Variants in NCKAP5 observed in about 807,000 individuals in gnomAD.
NCKAP5 encodes the protein NCK associated protein 5, also known as nck-associated protein 5.
In NCKAP5, 92 loss-of-function variants were observed where a neutral mutation model predicts 167.0. That is an observed-to-expected ratio of 0.55 (90% CI 0.47 to 0.66). The LOEUF is 0.66. Ranked by LOEUF, NCKAP5 falls within the 30% of genes least tolerant of loss-of-function variation. NCKAP5 has a pLI of 0.00. For missense variants in NCKAP5, 2,378 were observed against 2,315.0 expected, an observed-to-expected ratio of 1.03 and a Z score of -0.56; for synonymous variants, 891 against 877.4, an observed-to-expected ratio of 1.02 and a Z score of -0.27.
intron 19 of NCKAP5, among the ~76,000 whole-genome samples, chr2:132,716,713 C>A (rs1689405871): frequency 6.6e-6 from 1 of 152,132 alleles, no homozygotes; most frequent in Non-Finnish European, 1.5e-5. Context: ...CTGTAGCCTG[C>A]AGTCCAATTT....
chr2:132,946,876 C>T (rs1697787746), intron 8 of NCKAP5, among the ~76,000 whole-genome samples: 1 of 152,184 alleles, frequency 6.6e-6, no homozygotes, highest in African/African-American at 2.4e-5. Context: ...CCAGCCTGAG[C>T]AACAGAGCTA....
chr2:133,149,913 C>T (rs564565758), intron 5 of NCKAP5, among the ~76,000 whole-genome samples: 1 of 152,242 alleles, frequency 6.6e-6, no homozygotes, highest in East Asian at 1.9e-4. Context: ...TGAGCATTTG[C>T]TGTCTCCACT....
chr2:132,798,473 A>G (rs1047956448), intron 11 of NCKAP5, among the ~76,000 whole-genome samples: 1 of 152,248 alleles, frequency 6.6e-6, no homozygotes, highest in Non-Finnish European at 1.5e-5. Context: ...GGGAAATGAC[A>G]TTCAACAAAA....
chr2:132,747,577 C>A (rs939956294), intron 16 of NCKAP5, among the ~76,000 whole-genome samples: 8 of 152,150 alleles, frequency 5.3e-5, no homozygotes, highest in African/African-American at 1.7e-4. Flanking sequence ...TCCCTGGTTT[C>A]CATAGCTGTG....
intron 8 of NCKAP5, among the ~76,000 whole-genome samples, chr2:132,953,085 A>G (rs1004274021): frequency 1.6e-4 from 24 of 152,236 alleles, no homozygotes; most frequent in Non-Finnish European, 3.4e-4. Context: ...TGTACTACCT[A>G]TCTATCCAAA....
chr2:133,651,679 A>G, the NCKAP5 span, among the ~76,000 whole-genome samples: 1 of 152,338 alleles, frequency 6.6e-6, no homozygotes, highest in Admixed American at 6.5e-5. Context: ...ATCCAAAAGA[A>G]ATCAGGATCT....
At chr2:133,212,404 GA>G (rs1342561987) in intron 5 of NCKAP5, among the ~76,000 whole-genome samples, 1 of 152,256 alleles carries the variant, frequency 6.6e-6, no homozygotes, top group Admixed American at 6.5e-5. Context: ...GTTTTTGGGA[GA>G]CAGGGTCTTT....
At chr2:133,053,394 T>C (rs1380954594) in intron 6 of NCKAP5, among the ~76,000 whole-genome samples, 2 of 152,230 alleles carry the variant, frequency 1.3e-5, no homozygotes, top group African/African-American at 4.8e-5. Flanking sequence ...TGGTAAATGG[T>C]AACTAGCATT....
At chr2:133,090,718 A>C (rs930958869) in intron 6 of NCKAP5, among the ~76,000 whole-genome samples, 3 of 151,686 alleles carry the variant, frequency 2.0e-5, no homozygotes, top group Non-Finnish European at 1.5e-5. Flanking sequence ...AGAAAGGTTA[A>C]TATCATGCTT....
the NCKAP5 span, among the ~76,000 whole-genome samples, chr2:133,619,121 C>G: frequency 0.61 from 73,470 of 120,158 alleles, 23,135 homozygotes; most frequent in Middle Eastern, 0.77. Context: ...CACATGAACA[C>G]AGGAAGGGGA....
chr2:133,647,376 A>AAAGGAAGGAAGGAAGGAAGGAAGG, the NCKAP5 span, among the ~76,000 whole-genome samples: 206 of 82,518 alleles, frequency 2.5e-3, 2 homozygotes, highest in Non-Finnish European at 3.4e-3. Flanking sequence ...AGGAAGAAAG[A>AAAGGAAGGAAGGAAGGAAGGAAGG]AAGGAAGGAA....
chr2:133,308,741 G>T (rs1178017574), intron 3 of NCKAP5, among the ~76,000 whole-genome samples: 2 of 108,216 alleles, frequency 1.8e-5, no homozygotes, highest in Non-Finnish European at 3.4e-5. Context: ...TTGCTCTGTC[G>T]CCCAGGCCGG....
chr2:133,384,985 T>C (rs1686828341), intron 3 of NCKAP5, among the ~76,000 whole-genome samples: 1 of 152,322 alleles, frequency 6.6e-6, no homozygotes, highest in African/African-American at 2.4e-5. Context: ...AATCACGTCA[T>C]CTGCAAACAG....
intron 5 of NCKAP5, among the ~76,000 whole-genome samples, chr2:133,200,047 C>CT (rs565351512): frequency 6.1e-5 from 6 of 98,368 alleles, no homozygotes; most frequent in Admixed American, 1.1e-4. Flanking sequence ...TCCCAGTTGG[C>CT]TTTTTTTTTC....
intron 8 of NCKAP5, among the ~76,000 whole-genome samples, chr2:132,924,389 A>T (rs1695688801): frequency 6.6e-6 from 1 of 152,180 alleles, no homozygotes; most frequent in Admixed American, 6.5e-5. Flanking sequence ...ACTTTAAAAG[A>T]CTGAATTTTT....
the NCKAP5 span, among the ~76,000 whole-genome samples, chr2:133,599,896 T>C: frequency 6.6e-6 from 1 of 152,214 alleles, no homozygotes; most frequent in Non-Finnish European, 1.5e-5. Flanking sequence ...ATCCAATCTG[T>C]TTATCAATGC....
Position 132,784,180 on chromosome 2 carries a change from C to T in NCKAP5, c.2631G>A (p.Arg877=), listed in dbSNP as rs917118175. Reference sequence around the variant, plus strand: ...GGACCCAGTCCCTCCTGCTGGGCATCCTGGAGCTGTGCGGAAGTTGGGCGG... The same window carrying T: ...GGACCCAGTCCCTCCTGCTGGGCATTCTGGAGCTGTGCGGAAGTTGGGCGG... ...KHSAQLPHSS[R]MPSRRDWVQC... is the part of the protein sequence containing the mutation. The change falls in exon 14 of 20, where the codon AGG becomes AGA. Residue 877 remains arginine (R), a synonymous_variant. Transcript: ENST00000409261. 3 of 1,550,446 alleles carry T rather than the reference C, an allele frequency of 1.9e-6. No homozygotes were observed. The African/African-American group carries it at 4.1e-5, about 21-fold the overall frequency.
chr2:132,784,743 T>G lies in NCKAP5; in HGVS notation c.2068A>C (p.Thr690Pro). ...ATGGAAATCTCATTTCTGGTAACAG[T>G]GACAACCCCAGTCTGGTGAGAGCTG... is the stretch of plus-strand genomic sequence containing the variant. ...EFSSHQTGVV[T>P]VTRNEISINS... The change falls in exon 14 of 20, where the codon ACT (threonine) becomes CCT (proline). Residue 690 changes from threonine to proline, a missense_variant. Physicochemically the swap from Thr to Pro is conservative, Grantham distance 38 (BLOSUM62 -1). This residue lies in a region of NCKAP5 where 1,049 missense variants were observed against 1,023.4 expected (regional missense o/e 1.02). Transcript: ENST00000409261. The G allele has an allele frequency of 1.2e-6, 2 of 1,613,882 alleles. No homozygotes were observed. The highest frequency in any genetic ancestry group is 1.7e-6 in the Non-Finnish European group (2 of 1,179,798).
the NCKAP5 span, among the ~76,000 whole-genome samples, chr2:133,599,853 G>T: frequency 6.6e-6 from 1 of 152,252 alleles, no homozygotes; most frequent in South Asian, 2.1e-4. Context: ...AATCAGGATG[G>T]GAGAGGGGCT....
Sources: allele counts gnomAD v4.1 joint callset (sites outside exome capture counted in the v4.1 genomes callset), GRCh38; gene constraint gnomAD v4.1.1; regional missense constraint gnomAD v4.1.1; transcripts MANE v1.5; gene names NCBI Gene and HGNC (gene_info 2026-07-23, HGNC 2026-07-21).